The following TPR variants were observed in gnomAD, a reference collection of about 807,000 sequenced individuals.
The protein encoded by TPR is translocated promoter region, nuclear basket protein, also known as nucleoprotein TPR.
A neutral mutation model predicts 316.1 loss-of-function variants in TPR; 51 were observed. The ratio of observed to expected loss-of-function variants is 0.16; its 90% CI spans 0.13 to 0.20. The LOEUF (loss-of-function observed/expected upper bound fraction) is 0.20, where lower values mean the gene tolerates loss of function less well. TPR is among the 10% of genes least tolerant of loss of function. The pLI, the probability that TPR is intolerant of heterozygous loss-of-function variation, is 1.00. For synonymous variants in TPR, 981 were observed against 914.7 expected, an observed-to-expected ratio of 1.07 and a Z score of -1.31; for missense variants, 2,272 against 2,754.8, an observed-to-expected ratio of 0.82 and a Z score of 3.92.
Position 186,345,767 on chromosome 1 carries a change from T to C in TPR, c.3097-71A>G, listed in dbSNP as rs560059244. On this transcript the variant is annotated intron_variant, in intron 23 of 50. Transcript: ENST00000367478. ...ACTTGGAAAATACTGTATTGTAGTGTTACTAAATTGAAGTCTCATTTTTTA... is the reference window on the plus strand; with the variant it reads ...ACTTGGAAAATACTGTATTGTAGTGCTACTAAATTGAAGTCTCATTTTTTA... 2.0e-4 allele frequency: 214 copies of C among 1,094,218 alleles called. 1 individual carries two copies. The African/African-American group carries it at 2.8e-3, about 14-fold the overall frequency. 67.8% of individuals were successfully genotyped at this position (1,094,218 alleles called of 1,614,324 possible).
In TPR at chr1:186,337,540, TATTA is replaced by T. The variant is rs375642420; in HGVS notation, c.4363-388_4363-385del. ...ACTAATAGTGGCTAAAACAAAGGGG[TATTA>T]ATTGTGAATTTTTTTTCTTTATATT... On this transcript the variant is annotated intron_variant, in intron 31 of 50. Coordinates refer to ENST00000367478, the MANE Select transcript of TPR (RefSeq NM_003292.3). Among the ~76,000 whole-genome samples, 574 of 148,048 alleles carry T rather than the reference TATTA, an allele frequency of 3.9e-3. 5 individuals carry two copies. The highest frequency in any genetic ancestry group is 0.014 in the African/African-American group (550 of 39,194).
At chr1:186,370,913 G>T in intron 3 of TPR, 57 bp downstream of exon 3, 3 of 1,429,174 alleles carry the variant, frequency 2.1e-6, no homozygotes, top group South Asian at 1.2e-5. Context: ...AATCAGAATA[G>T]AATGTCCCTT....
chr1:186,344,614 T>G (rs1403708903), intron 24 of TPR, 36 bp from the exon 25 acceptor site: 1 of 1,429,754 alleles, frequency 7.0e-7, no homozygotes, highest in African/African-American at 1.4e-5. Context: ...TACCAAAGAT[T>G]AAAAATCCAT....
In TPR at chr1:186,350,273, C is replaced by G; in HGVS notation, c.2726G>C (p.Ser909Thr). The change falls in exon 21 of 51, where the codon AGT becomes ACT. Residue 909 changes from serine (S) to threonine (T), a missense_variant. Around this residue, in one of 10 missense-constraint regions of TPR, gnomAD observed 757 missense variants for 859.8 expected, o/e 0.88. Transcript: ENST00000367478. Reference sequence around the variant, plus strand: ...AGAAGCAACTTGGACTTCCATATTACTGAGGTGCTGTTTCAATGTGGCAAT... The same window carrying G: ...AGAAGCAACTTGGACTTCCATATTAGTGAGGTGCTGTTTCAATGTGGCAAT... ...KEIATLKQHLSNMEVQVASQS... is the reference protein window; with the variant it reads ...KEIATLKQHLTNMEVQVASQS... The G allele has an allele frequency of 1.2e-6, 2 of 1,613,564 alleles. No individual in the cohort carries two copies. Among genetic ancestry groups the G allele is most frequent in the African/African-American group, 1.3e-5 (1 of 74,988 alleles).
chr1:186,317,446 A>C, intron 49 of TPR, 36 bp downstream of exon 49: 1 of 1,524,602 alleles, frequency 6.6e-7, no homozygotes, highest in Non-Finnish European at 9.1e-7. Context: ...AGTTTGATGT[A>C]TAAAAACTGT....
chr1:186,318,032 T>C (rs1657660118), intron 48 of TPR, among the ~76,000 whole-genome samples: 2 of 152,172 alleles, frequency 1.3e-5, no homozygotes, highest in South Asian at 4.1e-4. Flanking sequence ...TGAGATAGGC[T>C]ATGGGTATGT....
At chr1:186,350,083 G>T in intron 21 of TPR, 140 bp downstream of exon 21, 2 of 848,806 alleles carry the variant, frequency 2.4e-6, no homozygotes, top group Non-Finnish European at 3.4e-6. Context: ...ACTATATAAA[G>T]AAAAAGTTGG....
rs1657274464 is a variant in TPR at position 186,311,955 on chromosome 1, T to C, written c.*2016A>G. 1 of 557,926 alleles carries C rather than the reference T, an allele frequency of 1.8e-6. No homozygotes were observed. The highest frequency in any genetic ancestry group is 3.1e-6 in the Non-Finnish European group (1 of 318,236). 34.6% of individuals were successfully genotyped at this position (557,926 alleles called of 1,614,324 possible). ...TGTCACTTTCAATTGAAATTAAATA[T>C]ATAACTATGTAATTTGCTGCATCTA... is the stretch of plus-strand genomic sequence containing the variant. On this transcript the variant is annotated 3_prime_UTR_variant, in exon 51 of 51. Coordinates refer to ENST00000367478, the MANE Select transcript of TPR (RefSeq NM_003292.3).
chr1:186,337,401 A>G (rs942923557), intron 31 of TPR, among the ~76,000 whole-genome samples: 1 of 152,162 alleles, frequency 6.6e-6, no homozygotes, highest in Non-Finnish European at 1.5e-5. Flanking sequence ...TCAACACTTA[A>G]CTGTATTTTC....
chr1:186,327,305 T>A (rs1203220446), intron 40 of TPR, among the ~76,000 whole-genome samples, 155 bp downstream of exon 40: 1 of 71,074 alleles, frequency 1.4e-5, no homozygotes, highest in South Asian at 4.0e-4. Context: ...ATATAATATA[T>A]AATATATTAA....
At chr1:186,318,629 G>A (rs896386971) in intron 47 of TPR, 26 bp from the exon 48 acceptor site, 7 of 1,603,288 alleles carry the variant, frequency 4.4e-6, no homozygotes, top group Non-Finnish European at 5.9e-6. Flanking sequence ...ACAAGAAAAA[G>A]AACTTTAAAA....
intron 2 of TPR, among the ~76,000 whole-genome samples, chr1:186,371,619 G>GA (rs1374608346): frequency 6.6e-6 from 1 of 151,870 alleles, no homozygotes; most frequent in African/African-American, 2.4e-5. Context: ...AGGCTAACTA[G>GA]AAAAAATATA....
chr1:186,342,119 G>GCCA (rs1169832429), intron 27 of TPR: 1 of 152,348 alleles, frequency 6.6e-6, no homozygotes, highest in Non-Finnish European at 1.5e-5. Flanking sequence ...ACAGGTGCCT[G>GCCA]CCACCACCAT....
Position 186,327,456 on chromosome 1 carries a change from T to C in TPR, c.5889+4A>G, listed in dbSNP as rs777547491. Reference sequence around the variant, plus strand: ...AACACTAGATGATTTCAAATCAAACTTACCTCATGTTCTCCATCATTTTCA... The same window carrying C: ...AACACTAGATGATTTCAAATCAAACCTACCTCATGTTCTCCATCATTTTCA... On this transcript the variant is annotated splice_donor_region_variant and intron_variant, in intron 40 of 50. Coordinates refer to ENST00000367478, the MANE Select transcript of TPR (RefSeq NM_003292.3). The C allele has an allele frequency of 3.1e-6, 5 of 1,608,372 alleles. No individual in the cohort carries two copies. The highest frequency in any genetic ancestry group is 2.2e-5 in the East Asian group (1 of 44,682).
chr1:186,361,923 T>G, intron 7 of TPR, 54 bp from the exon 8 acceptor site: 1 of 1,536,514 alleles, frequency 6.5e-7, no homozygotes, highest in Admixed American at 2.0e-5. Context: ...TTTAGAATGC[T>G]TATCAAATGA....
At chr1:186,355,104 C>T (rs1459368921) in intron 17 of TPR, among the ~76,000 whole-genome samples, 1 of 151,986 alleles carries the variant, frequency 6.6e-6, no homozygotes, top group Admixed American at 6.6e-5. Context: ...GGGGTTTCAC[C>T]ATGGTGGCCA....
intron 1 of TPR, among the ~76,000 whole-genome samples, chr1:186,374,573 TAG>T (rs1019160547): frequency 1.3e-4 from 20 of 152,160 alleles, no homozygotes; most frequent in African/African-American, 4.6e-4. Context: ...ACTCTAGGCT[TAG>T]AGAGATGGGT....
chr1:186,367,805 A>T (rs1571640627), intron 4 of TPR, 81 bp downstream of exon 4: 1 of 943,254 alleles, frequency 1.1e-6, no homozygotes, highest in Non-Finnish European at 1.6e-6. Context: ...CAGCAACAGA[A>T]ATGGGCTGAG....
chr1:186,312,734 A>T lies in TPR; in HGVS notation c.*1237T>A. The T allele has an allele frequency of 6.2e-7, 1 of 1,605,304 alleles. No individual in the cohort carries two copies. The highest frequency in any genetic ancestry group is 8.5e-7 in the Non-Finnish European group (1 of 1,172,228). The stretch of plus-strand genomic sequence containing the variant: ...TTTCCAAGATAGTACATTGCCTTTT[A>T]ATCTGGTATCTTTTATTAAACATGC... On this transcript the variant is annotated 3_prime_UTR_variant, in exon 51 of 51. Coordinates refer to ENST00000367478, the MANE Select transcript of TPR (RefSeq NM_003292.3).
Sources: allele counts gnomAD v4.1 joint callset (sites outside exome capture counted in the v4.1 genomes callset), GRCh38; gene constraint gnomAD v4.1.1; regional missense constraint gnomAD v4.1.1; transcripts MANE v1.5; gene names NCBI Gene and HGNC (gene_info 2026-07-23, HGNC 2026-07-21).